The following FBXL13 variants were observed in gnomAD, a reference collection of about 807,000 sequenced individuals.
FBXL13 encodes F-box and leucine-rich repeat protein 13.
A neutral mutation model predicts 83.6 loss-of-function variants in FBXL13; 67 were observed. The ratio of observed to expected loss-of-function variants is 0.80; its 90% CI spans 0.66 to 0.98. FBXL13 has a LOEUF of 0.98. Among genes scored for constraint, FBXL13 ranks in the 50% least tolerant of loss-of-function variants. The pLI is 0.00. For missense variants in FBXL13, 822 were observed against 866.5 expected (o/e 0.95, Z 0.64); for synonymous variants, 272 against 299.5 (o/e 0.91, Z 0.95).
chr7:102,858,504 C>T (rs1402913636), intron 16 of FBXL13, among the ~76,000 whole-genome samples: 1 of 152,032 alleles, frequency 6.6e-6, no homozygotes, highest in African/African-American at 2.4e-5. Flanking sequence ...ATGATTAGAT[C>T]ATTACACATA....
At chr7:102,814,814 A>C (rs1055829670) in intron 19 of FBXL13, among the ~76,000 whole-genome samples, 1 of 152,168 alleles carries the variant, frequency 6.6e-6, no homozygotes, top group Non-Finnish European at 1.5e-5. Context: ...CATTCTGTTA[A>C]TTTTTTAAAT....
At chr7:103,056,457 T>C (rs1387783321) in intron 1 of FBXL13, among the ~76,000 whole-genome samples, 1 of 152,112 alleles carries the variant, frequency 6.6e-6, no homozygotes, top group African/African-American at 2.4e-5. Flanking sequence ...CCACACTGTT[T>C]ACTAGTTTAC....
At chr7:102,998,043 G>A (rs1789996224) in intron 6 of FBXL13, among the ~76,000 whole-genome samples, 1 of 152,140 alleles carries the variant, frequency 6.6e-6, no homozygotes, top group South Asian at 2.1e-4. Flanking sequence ...GTGTATGAAT[G>A]TTCCCCTTTC....
At chr7:102,925,138 C>T (rs888787720) in intron 10 of FBXL13, among the ~76,000 whole-genome samples, 1 of 152,194 alleles carries the variant, frequency 6.6e-6, no homozygotes, top group Admixed American at 6.5e-5. Context: ...CATGGTGGCT[C>T]ATGCCAGCAC....
chr7:102,939,589 A>G, intron 8 of FBXL13: 1 of 1,612,584 alleles, frequency 6.2e-7, no homozygotes, highest in South Asian at 1.1e-5. Flanking sequence ...GATCCTGGTA[A>G]GTTCCCCTGT....
In FBXL13 at chr7:103,028,708, GGAC is replaced by G. The variant is rs754183861; in HGVS notation, c.106_108del (p.Val36del). ...ACTGCTCTGTTCATTTTTTCAGCCA[GGAC>G]GACATTTTCATTTGTACGAGCTATG... On this transcript the variant is annotated inframe_deletion, in exon 4 of 20. Coordinates refer to ENST00000313221, the Ensembl canonical transcript of FBXL13. The G allele has an allele frequency of 5.6e-6, 9 of 1,599,846 alleles. No homozygotes were observed. The Admixed American group carries it at 1.5e-4, about 27-fold the overall frequency.
intron 8 of FBXL13, among the ~76,000 whole-genome samples, chr7:102,956,871 A>G (rs1009634983): frequency 2.6e-5 from 4 of 152,208 alleles, no homozygotes; most frequent in Non-Finnish European, 5.9e-5. Flanking sequence ...ACCACTGCTC[A>G]ACACAATAAA....
At chr7:102,894,730 TAA>T (rs1213476355) in intron 11 of FBXL13, among the ~76,000 whole-genome samples, 34 of 134,574 alleles carry the variant, frequency 2.5e-4, no homozygotes, top group Non-Finnish European at 2.7e-4. Context: ...CTTTGTCTCT[TAA>T]AAAAAAAAAA....
At chr7:103,014,469 C>T (rs1469024297) in intron 6 of FBXL13, among the ~76,000 whole-genome samples, 1 of 152,182 alleles carries the variant, frequency 6.6e-6, no homozygotes, top group Non-Finnish European at 1.5e-5. Context: ...ACCATTCTCA[C>T]TGAAATTATT....
At chr7:102,958,550 AATAATAATAATAATAAT>A (rs1824660056) in intron 8 of FBXL13, among the ~76,000 whole-genome samples, 1 of 148,750 alleles carries the variant, frequency 6.7e-6, no homozygotes, top group Non-Finnish European at 1.5e-5. Flanking sequence ...TAATAATAAT[AATAATAATAATAATAAT>A]AAAACAGAGA....
At chr7:102,939,601 T>TA in intron 8 of FBXL13, 1 of 1,595,270 alleles carries the variant, frequency 6.3e-7, no homozygotes, top group South Asian at 1.1e-5. Flanking sequence ...TTCCCCTGTA[T>TA]AGCCCCTTCA....
intron 17 of FBXL13, among the ~76,000 whole-genome samples, chr7:102,854,456 T>G (rs1038221707): frequency 6.6e-6 from 1 of 152,146 alleles, no homozygotes; most frequent in Admixed American, 6.5e-5. Flanking sequence ...CACCAGCATG[T>G]CACATGTATA....
At chr7:102,926,361 C>A in exon 10 of FBXL13, 1 of 1,613,222 alleles carries the variant, frequency 6.2e-7, no homozygotes, top group Non-Finnish European at 8.5e-7. Context: ...AGAAATGTGT[C>A]TCATTGATTC....
chr7:102,842,266 AC>A (rs1363282685), intron 17 of FBXL13, among the ~76,000 whole-genome samples: 4 of 152,228 alleles, frequency 2.6e-5, no homozygotes, highest in Non-Finnish European at 4.4e-5. Context: ...ACAACTTGTA[AC>A]CCTAGAGAAG....
At chr7:102,947,812 CG>C (rs1189285920) in intron 8 of FBXL13, among the ~76,000 whole-genome samples, 2 of 151,810 alleles carry the variant, frequency 1.3e-5, no homozygotes, top group Non-Finnish European at 2.9e-5. Flanking sequence ...CTTTCCTAGT[CG>C]TAAGATTCTC....
intron 6 of FBXL13, among the ~76,000 whole-genome samples, chr7:102,984,695 T>C (rs998613396): frequency 1.3e-5 from 2 of 152,146 alleles, no homozygotes; most frequent in Admixed American, 6.5e-5. Context: ...AGAAAGGAGA[T>C]TTATATTTGT....
chr7:102,872,454 T>TA (rs1329832035), intron 16 of FBXL13, among the ~76,000 whole-genome samples: 1 of 152,188 alleles, frequency 6.6e-6, no homozygotes, highest in African/African-American at 2.4e-5. Flanking sequence ...GTACTCATAA[T>TA]AAAAAATTCT....
intron 8 of FBXL13, chr7:102,944,435 A>C (rs752582239): frequency 1.2e-6 from 2 of 1,614,078 alleles, no homozygotes; most frequent in Non-Finnish European, 1.7e-6. Flanking sequence ...GAAGAATACA[A>C]AGGATGGTCT....
intron 6 of FBXL13, among the ~76,000 whole-genome samples, chr7:102,987,656 C>A (rs942135103): frequency 1.3e-5 from 2 of 152,158 alleles, no homozygotes; most frequent in African/African-American, 2.4e-5. Flanking sequence ...TATATTTATT[C>A]CTAAATGAAA....
Sources: gnomAD v4.1 joint callset for allele counts (sites outside exome capture counted in the v4.1 genomes callset) on GRCh38, gnomAD v4.1.1 for gene constraint, MANE v1.5 for transcripts, NCBI Gene and HGNC (gene_info 2026-07-23, HGNC 2026-07-21) for gene names.